ZNF469: variants seen among roughly 807,000 people sequenced by gnomAD.
The protein encoded by ZNF469 is zinc finger protein 469.
Under a neutral mutation model 1.0 loss-of-function variants are expected in ZNF469, and 1 was observed. That is an observed-to-expected ratio of 1.00 (90% CI 0.35 to 4.73). The LOEUF (loss-of-function observed/expected upper bound fraction) is 4.73. Among genes scored for constraint, ZNF469 ranks in the 30% most tolerant of loss-of-function variants. ZNF469 has a pLI of 0.16. For missense variants in ZNF469, 6,100 were observed against 5,356.3 expected (o/e 1.14, Z -4.33); for synonymous variants, 2,703 against 2,363.4 (o/e 1.14, Z -4.17).
the ZNF469 span, among the ~76,000 whole-genome samples, chr16:88,135,854 G>T: frequency 6.8e-6 from 1 of 148,142 alleles, no homozygotes; most frequent in Non-Finnish European, 1.5e-5. Context: ...TCCGTCTCCC[G>T]GGTTCACGCC....
the ZNF469 span, among the ~76,000 whole-genome samples, chr16:88,140,757 C>A: frequency 6.6e-6 from 1 of 152,124 alleles, no homozygotes; most frequent in Non-Finnish European, 1.5e-5. Context: ...CATGGCGAAA[C>A]CCCACCTCTA....
At chr16:88,193,881 G>A in the ZNF469 span, among the ~76,000 whole-genome samples, 3 of 152,146 alleles carry the variant, frequency 2.0e-5, no homozygotes, top group African/African-American at 7.2e-5. Context: ...GGGGCAAGGG[G>A]GCTTTCTAGG....
chr16:88,360,212 G>A, the ZNF469 span, among the ~76,000 whole-genome samples: 15 of 152,060 alleles, frequency 9.9e-5, no homozygotes, highest in Non-Finnish European at 1.8e-4. Context: ...TAGAGATGAG[G>A]TTTCTCCACG....
At chr16:88,179,990 A>G in the ZNF469 span, among the ~76,000 whole-genome samples, 1 of 152,246 alleles carries the variant, frequency 6.6e-6, no homozygotes, top group East Asian at 1.9e-4. Flanking sequence ...TACTGCAACC[A>G]TGAACAGCTA....
the ZNF469 span, among the ~76,000 whole-genome samples, chr16:88,187,046 C>T: frequency 6.6e-6 from 1 of 152,156 alleles, no homozygotes; most frequent in Admixed American, 6.5e-5. Flanking sequence ...GCTGGGAGGC[C>T]CCGGGGTATG....
At chr16:88,104,800 C>G in the ZNF469 span, among the ~76,000 whole-genome samples, 3 of 152,174 alleles carry the variant, frequency 2.0e-5, no homozygotes. Flanking sequence ...GTGCTCCCCA[C>G]CCCTCCCTTT....
intron 1 of ZNF469, among the ~76,000 whole-genome samples, chr16:88,390,647 G>T (rs77205607): frequency 6.6e-6 from 1 of 152,168 alleles, no homozygotes; most frequent in Non-Finnish European, 1.5e-5. Flanking sequence ...TTCGGATGCC[G>T]CCGGGCACTG....
At chr16:88,177,471 T>C in the ZNF469 span, 2 of 152,326 alleles carry the variant, frequency 1.3e-5, no homozygotes, top group African/African-American at 4.8e-5. This position sits in a 1 kb window ranked among gnomAD's most constrained non-coding sequence, Gnocchi z 4.8. Context: ...TTAGTTATAT[T>C]TGAAGCGACA....
At chr16:88,405,652 G>T (rs974799397) in intron 1 of ZNF469, among the ~76,000 whole-genome samples, 23 of 152,202 alleles carry the variant, frequency 1.5e-4, no homozygotes, top group African/African-American at 4.6e-4. Flanking sequence ...AGAGCAGAGG[G>T]TGCAGCTGGG....
rs1906099498 is a variant in ZNF469 at position 88,430,689 on chromosome 16, C to G, written c.3219C>G (p.Gly1073=). The G allele has an allele frequency of 6.7e-7, 1 of 1,487,914 alleles. No individual in the cohort carries two copies. Among genetic ancestry groups the G allele is most frequent in the Non-Finnish European group, 8.9e-7 (1 of 1,127,718 alleles). The allele number at this position is 1,487,914 out of a possible 1,614,324, so 92.2% of individuals were successfully genotyped here. The change falls in exon 3 of 3, where the codon GGC becomes GGG. Residue 1073 remains glycine, a synonymous_variant. Transcript: ENST00000565624. ...RRLGRRAGRC[G]SLAAGRPRPG... is the part of the protein sequence containing the mutation. ...TGGGGCGGCGGGCGGGCAGGTGCGG[C>G]TCCCTGGCGGCGGGGAGGCCCCGGC...
At chr16:88,156,283 G>A in the ZNF469 span, among the ~76,000 whole-genome samples, 50 of 152,120 alleles carry the variant, frequency 3.3e-4, no homozygotes, top group African/African-American at 1.2e-3. Flanking sequence ...GATGCTTTTG[G>A]TGTCATATAT....
At chr16:88,317,632 C>G in the ZNF469 span, among the ~76,000 whole-genome samples, 3 of 152,242 alleles carry the variant, frequency 2.0e-5, no homozygotes, top group African/African-American at 7.2e-5. Flanking sequence ...CCGCCCTGCA[C>G]AGCTCTCTGG....
chr16:88,212,788 G>T, the ZNF469 span, among the ~76,000 whole-genome samples: 1 of 152,020 alleles, frequency 6.6e-6, no homozygotes, highest in Non-Finnish European at 1.5e-5. Context: ...TTTGCCATGT[G>T]GCCCAGGCTG....
the ZNF469 span, among the ~76,000 whole-genome samples, chr16:88,264,855 G>A: frequency 3.2e-4 from 48 of 152,164 alleles, no homozygotes; most frequent in Admixed American, 2.0e-4. Flanking sequence ...CTGCTCAGAT[G>A]CTCACTGCGC....
At chr16:88,213,977 A>G in the ZNF469 span, among the ~76,000 whole-genome samples, 1 of 152,018 alleles carries the variant, frequency 6.6e-6, no homozygotes, top group African/African-American at 2.4e-5. Context: ...GAAAGCGTGG[A>G]ATTTGTGTGA....
the ZNF469 span, among the ~76,000 whole-genome samples, chr16:88,176,299 A>G: frequency 2.7e-5 from 4 of 150,436 alleles, no homozygotes; most frequent in Admixed American, 6.6e-5. Context: ...GGGAGATGCC[A>G]GAGTGAGCTG....
At chr16:88,240,496 C>G in the ZNF469 span, among the ~76,000 whole-genome samples, 3 of 152,180 alleles carry the variant, frequency 2.0e-5, no homozygotes, top group Non-Finnish European at 2.9e-5. Context: ...GGCCTCAACA[C>G]TGTGCCCACC....
the ZNF469 span, among the ~76,000 whole-genome samples, chr16:88,301,644 C>T: frequency 6.6e-6 from 1 of 152,232 alleles, no homozygotes; most frequent in Middle Eastern, 3.2e-3. Flanking sequence ...TTCCCAGGAG[C>T]TGTTGAGGAG....
the ZNF469 span, chr16:88,192,069 C>G: frequency 2.0e-5 from 3 of 152,236 alleles, no homozygotes; most frequent in Non-Finnish European, 4.4e-5. Flanking sequence ...CCCTCTTTCA[C>G]CTTGTGAGGA....
Sources: allele counts gnomAD v4.1 joint callset (sites outside exome capture counted in the v4.1 genomes callset), GRCh38; gene constraint gnomAD v4.1.1; non-coding constraint Gnocchi (gnomAD v3.1); transcripts MANE v1.5; gene names NCBI Gene and HGNC (gene_info 2026-07-23, HGNC 2026-07-21).